The following PCDHA2 variants were observed in gnomAD, a reference collection of about 807,000 sequenced individuals.
PCDHA2 encodes protocadherin alpha 2.
A neutral mutation model predicts 66.0 loss-of-function variants in PCDHA2; 58 were observed. The ratio of observed to expected loss-of-function variants is 0.88; its 90% CI spans 0.71 to 1.09. The LOEUF (loss-of-function observed/expected upper bound fraction) is 1.09. Ranked by LOEUF, PCDHA2 falls within the 50% of genes least tolerant of loss-of-function variation. PCDHA2 has a pLI of 0.00. For synonymous variants in PCDHA2, 634 were observed against 554.0 expected, an observed-to-expected ratio of 1.14 and a Z score of -2.03; for missense variants, 1,267 against 1,242.3, an observed-to-expected ratio of 1.02 and a Z score of -0.30.
intron 3 of PCDHA2, 42 bp downstream of exon 3, chr5:140,982,605 A>G: frequency 1.9e-6 from 3 of 1,605,520 alleles, no homozygotes; most frequent in Non-Finnish European, 2.6e-6. Flanking sequence ...GGTTTCTGGA[A>G]AGTGATCAGA....
At chr5:140,885,045 G>T (rs528565062) in intron 1 of PCDHA2, among the ~76,000 whole-genome samples, 3 of 152,238 alleles carry the variant, frequency 2.0e-5, no homozygotes, top group Admixed American at 1.3e-4. Context: ...TTAGTTTAAT[G>T]TATACATATA....
chr5:140,884,371 C>T, intron 1 of PCDHA2: 2 of 1,613,948 alleles, frequency 1.2e-6, no homozygotes, highest in Non-Finnish European at 1.7e-6. Flanking sequence ...TTTACTTGAT[C>T]ATTGCCATCT....
intron 1 of PCDHA2, among the ~76,000 whole-genome samples, chr5:140,941,202 C>CCTTTCTTCCTTTCTTTTTCTTT (rs1394736170): frequency 8.1e-6 from 1 of 122,742 alleles, no homozygotes; most frequent in African/African-American, 3.0e-5. Flanking sequence ...TTTCTTTCTT[C>CCTTTCTTCCTTTCTTTTTCTTT]CTTTCTTTCT....
At chr5:140,876,637 C>G (rs1554168755) in intron 1 of PCDHA2, 1 of 1,614,088 alleles carries the variant, frequency 6.2e-7, no homozygotes, top group Non-Finnish European at 8.5e-7. Flanking sequence ...CATCTGCTCA[C>G]TGACACCTCA....
At chr5:140,801,706 A>G (rs546101434) in intron 1 of PCDHA2, 1 of 1,614,062 alleles carries the variant, frequency 6.2e-7, no homozygotes. Context: ...TTGTTGACTT[A>G]CAGTCTTGAT....
chr5:140,969,128 A>T (rs140518271), intron 1 of PCDHA2: 11 of 1,614,040 alleles, frequency 6.8e-6, no homozygotes, highest in Non-Finnish European at 9.3e-6. Context: ...TGGCTCCCTC[A>T]CCAAGACCTA....
chr5:140,857,659 C>T, intron 1 of PCDHA2: 1 of 1,596,596 alleles, frequency 6.3e-7, no homozygotes, highest in South Asian at 1.1e-5. Context: ...TGAGCGCGCG[C>T]GATGGGGGCG....
intron 1 of PCDHA2, among the ~76,000 whole-genome samples, chr5:140,831,758 T>A (rs138346265): frequency 6.6e-6 from 1 of 152,244 alleles, no homozygotes; most frequent in Non-Finnish European, 1.5e-5. Flanking sequence ...CGCTACCAAT[T>A]TTGTTTTGTG....
intron 1 of PCDHA2, chr5:140,822,508 AT>A: frequency 6.2e-7 from 1 of 1,613,962 alleles, no homozygotes; most frequent in Non-Finnish European, 8.5e-7. Flanking sequence ...TGATAAATCC[AT>A]TTATAATGTC....
intron 1 of PCDHA2, among the ~76,000 whole-genome samples, chr5:140,844,990 A>G (rs1313324994): frequency 6.7e-6 from 1 of 149,154 alleles, no homozygotes; most frequent in Non-Finnish European, 1.5e-5. Flanking sequence ...TAAATCTTTT[A>G]ATCACTTATG....
Position 140,877,166 on chromosome 5 carries a change from TGCTGGCGACTCCG to T in PCDHA2, c.2388+79821_2388+79833del, listed in dbSNP as rs2056906844. The T allele has an allele frequency of 1.9e-6, 3 of 1,613,836 alleles. No individual in the cohort carries two copies. In the East Asian group the frequency reaches 6.7e-5, roughly 36 times the overall value. On this transcript the variant is annotated intron_variant, in intron 1 of 3. Coordinates refer to ENST00000526136, the MANE Select transcript of PCDHA2 (RefSeq NM_018905.3). The stretch of plus-strand genomic sequence containing the variant: ...GACGAGAACGACAACGCGCCGGCAC[TGCTGGCGACTCCG>T]GCTGGCAGCGCAGGAGGCGCAGTTA...
In PCDHA2 at chr5:140,876,831, T is replaced by G. The variant is rs201991889; in HGVS notation, c.2388+79479T>G. Reference sequence around the variant, plus strand: ...TGGCCGACGTGAACGACAATGCGCCTGCGTTCGCGCAGCCCGAGTACACAG... The same window carrying G: ...TGGCCGACGTGAACGACAATGCGCCGGCGTTCGCGCAGCCCGAGTACACAG... On this transcript the variant is annotated intron_variant, in intron 1 of 3. Coordinates refer to ENST00000526136, the MANE Select transcript of PCDHA2 (RefSeq NM_018905.3). 1.5e-4 allele frequency: 250 copies of G among 1,614,080 alleles called. 4 individuals are homozygous for G. In the East Asian group the frequency reaches 3.4e-3, roughly 22 times the overall value.
At chr5:140,864,675 T>A (rs1331256646) in intron 1 of PCDHA2, 6 of 152,254 alleles carry the variant, frequency 3.9e-5, no homozygotes, top group African/African-American at 1.4e-4. Context: ...GTTGACTTAA[T>A]TGCTGCTGTC....
intron 3 of PCDHA2, among the ~76,000 whole-genome samples, chr5:140,997,598 TG>T (rs1182118908): frequency 6.6e-5 from 10 of 152,124 alleles, no homozygotes; most frequent in Admixed American, 2.0e-4. Context: ...AACATGATTA[TG>T]GGGCGCATGA....
At chr5:140,816,115 TC>T (rs1388791863) in intron 1 of PCDHA2, 2 of 152,216 alleles carry the variant, frequency 1.3e-5, no homozygotes, top group Non-Finnish European at 2.9e-5. Context: ...TATGGCTTCT[TC>T]TTTTGAAACT....
At position 140,808,624 on chromosome 5, in the gene PCDHA2, G is replaced by C. The variant is rs539723301; in HGVS notation, c.2388+11272G>C. 1.2e-5 allele frequency: 20 copies of C among 1,613,680 alleles called. No homozygotes were observed. In the East Asian group the frequency reaches 2.0e-4, roughly 16 times the overall value. On this transcript the variant is annotated intron_variant, in intron 1 of 3. Coordinates refer to ENST00000526136, the MANE Select transcript of PCDHA2 (RefSeq NM_018905.3). ...GCTGCCACATCTTCACTGTGTCTGCGTGGGACGCGGACGCGCAGGAGAACG... is the reference window on the plus strand; with the variant it reads ...GCTGCCACATCTTCACTGTGTCTGCCTGGGACGCGGACGCGCAGGAGAACG...
At chr5:140,985,487 A>C (rs1554247112) in intron 3 of PCDHA2, among the ~76,000 whole-genome samples, 1 of 152,162 alleles carries the variant, frequency 6.6e-6, no homozygotes, top group Non-Finnish European at 1.5e-5. Context: ...TCCAGACTCA[A>C]ATAGAGCCTG....
chr5:140,840,577 G>T lies in PCDHA2; in HGVS notation c.2388+43225G>T, dbSNP rs185474153. ...TACTGCTAGAGTTTGGCATGTCAGA[G>T]AAATCATAAAGGAAAATGTTTTAAG... On this transcript the variant is annotated intron_variant, in intron 1 of 3. Coordinates refer to ENST00000526136, the MANE Select transcript of PCDHA2 (RefSeq NM_018905.3). Among the ~76,000 whole-genome samples, 160 of 152,084 alleles carry T rather than the reference G, an allele frequency of 1.1e-3. 2 individuals are homozygous for T. Among genetic ancestry groups the T allele is most frequent in the African/African-American group, 3.7e-3 (153 of 41,446 alleles).
chr5:140,875,578 T>C lies in PCDHA2; in HGVS notation c.2388+78226T>C, dbSNP rs534589966. 6 of 1,614,098 alleles carry C rather than the reference T, an allele frequency of 3.7e-6. No homozygotes were observed. Among genetic ancestry groups the C allele is most frequent in the East Asian group, 4.5e-5 (2 of 44,882 alleles). On this transcript the variant is annotated intron_variant, in intron 1 of 3. Coordinates refer to ENST00000526136, the MANE Select transcript of PCDHA2 (RefSeq NM_018905.3). ...GAGCGGCCAGCTCCACTACTCCGTC[T>C]ACGAGGAGGCCAAACACGGCACCTT... is the stretch of plus-strand genomic sequence containing the variant.
Sources: allele counts gnomAD v4.1 joint callset (sites outside exome capture counted in the v4.1 genomes callset), GRCh38; gene constraint gnomAD v4.1.1; transcripts MANE v1.5; gene names NCBI Gene and HGNC (gene_info 2026-07-23, HGNC 2026-07-21).